The following PHACTR3 variants were observed in gnomAD, a reference collection of about 807,000 sequenced individuals.
PHACTR3 encodes the protein protein phosphatase 1, regulatory subunit 123.
In PHACTR3, 16 loss-of-function variants were observed where a neutral mutation model predicts 66.8. That is an observed-to-expected ratio of 0.24 (90% CI 0.16 to 0.36). PHACTR3 has a LOEUF of 0.36. PHACTR3 is among the 10% of genes least tolerant of loss of function. The pLI is 1.00. For missense variants in PHACTR3, 647 were observed against 719.9 expected (o/e 0.90, Z 1.16); for synonymous variants, 323 against 292.1 (o/e 1.11, Z -1.08).
chr20:59,727,039 C>A (rs1396827867), intron 1 of PHACTR3, among the ~76,000 whole-genome samples: 1 of 152,130 alleles, frequency 6.6e-6, no homozygotes, highest in African/African-American at 2.4e-5. Context: ...CTGTCTAATT[C>A]CAGAACCTTT....
chr20:59,815,763 A>G (rs936532087), intron 8 of PHACTR3, among the ~76,000 whole-genome samples: 4 of 152,196 alleles, frequency 2.6e-5, no homozygotes, highest in African/African-American at 9.7e-5. Flanking sequence ...GTTGCAAAAC[A>G]GGCGATGAGG....
intron 8 of PHACTR3, among the ~76,000 whole-genome samples, chr20:59,818,423 CTT>C (rs570083526): frequency 1.8e-4 from 28 of 152,354 alleles, no homozygotes; most frequent in South Asian, 4.1e-4. Flanking sequence ...GAATTTGTCT[CTT>C]TCAGTTTTAA....
intron 1 of PHACTR3, among the ~76,000 whole-genome samples, chr20:59,582,822 C>T (rs190205174): frequency 3.0e-4 from 45 of 152,248 alleles, no homozygotes; most frequent in Admixed American, 1.8e-3. Context: ...CCCGATCCTC[C>T]GCTGGCTGCA....
chr20:59,710,662 T>C (rs186962020), intron 1 of PHACTR3, among the ~76,000 whole-genome samples: 1 of 151,942 alleles, frequency 6.6e-6, no homozygotes, highest in Admixed American at 6.7e-5. Flanking sequence ...AATGACTCCC[T>C]AAATTCCAAC....
At chr20:59,763,262 T>C (rs939551645) in intron 4 of PHACTR3, among the ~76,000 whole-genome samples, 14 of 152,360 alleles carry the variant, frequency 9.2e-5, no homozygotes, top group African/African-American at 3.4e-4. Flanking sequence ...CTTTGCCTTC[T>C]GCCATGATTG....
intron 1 of PHACTR3, among the ~76,000 whole-genome samples, chr20:59,741,696 A>G (rs1220883817): frequency 6.6e-6 from 1 of 151,790 alleles, no homozygotes; most frequent in Non-Finnish European, 1.5e-5. Flanking sequence ...CAGCCTGTGA[A>G]GCACATCTCC....
chr20:59,799,229 T>C lies in PHACTR3; in HGVS notation c.1175-6812T>C, dbSNP rs1202414576. ...GTCCAATCTTGGTAAATGTTTTGTGTGTACTTGAAAAGAATGCGTGCTCTT... is the reference window on the plus strand; with the variant it reads ...GTCCAATCTTGGTAAATGTTTTGTGCGTACTTGAAAAGAATGCGTGCTCTT... On this transcript the variant is annotated intron_variant, in intron 7 of 12. Transcript: ENST00000371015. Among the ~76,000 whole-genome samples the C allele has an allele frequency of 3.3e-5, 5 of 152,150 alleles. No homozygotes were observed. The South Asian group carries it at 1.0e-3, about 31-fold the overall frequency.
At chr20:59,724,150 G>A (rs1330153541) in intron 1 of PHACTR3, among the ~76,000 whole-genome samples, 2 of 152,122 alleles carry the variant, frequency 1.3e-5, no homozygotes, top group African/African-American at 4.8e-5. Context: ...CCTCAGGGTC[G>A]GGATGTGATC....
upstream of PHACTR3, among the ~76,000 whole-genome samples, chr20:59,599,551 G>A (rs1379398865): frequency 6.6e-6 from 1 of 152,068 alleles, no homozygotes; most frequent in Non-Finnish European, 1.5e-5. Context: ...GTCAAACGGG[G>A]CTCCTCCTCT....
chr20:59,847,101 T>A lies in PHACTR3; in HGVS notation c.1665-14T>A, dbSNP rs905274575. 1 of 1,507,474 alleles carries A rather than the reference T, an allele frequency of 6.6e-7. No individual in the cohort carries two copies. Among genetic ancestry groups the A allele is most frequent in the Non-Finnish European group, 9.2e-7 (1 of 1,090,336 alleles). The allele number at this position is 1,507,474 out of a possible 1,614,324, so 93.4% of individuals were successfully genotyped here. On this transcript the variant is annotated splice_polypyrimidine_tract_variant and intron_variant, in intron 12 of 12. Coordinates refer to ENST00000371015, the MANE Select transcript of PHACTR3 (RefSeq NM_080672.5). ...GAATAACCTTAAATTCTTTGTCTTT[T>A]TTATAATCTCTAGATTCCACAGGCC...
At position 59,751,593 on chromosome 20, in the gene PHACTR3, G is replaced by A. The variant is rs565703802; in HGVS notation, c.359-3589G>A. ...CAGAAGAGAGCCCGCCAGCTCCCGGGGGTGAGGCAGCATCCAGGGCATGAG... is the reference window on the plus strand; with the variant it reads ...CAGAAGAGAGCCCGCCAGCTCCCGGAGGTGAGGCAGCATCCAGGGCATGAG... On this transcript the variant is annotated intron_variant, in intron 3 of 12. Transcript: ENST00000371015. 3.9e-5 allele frequency among the ~76,000 whole-genome samples: 6 copies of A among 152,270 alleles called. No homozygotes were observed. In the South Asian group the frequency reaches 1.0e-3, roughly 26 times the overall value.
intron 8 of PHACTR3, among the ~76,000 whole-genome samples, chr20:59,821,289 G>T (rs569674470): frequency 6.6e-6 from 1 of 152,126 alleles, no homozygotes; most frequent in East Asian, 1.9e-4. Flanking sequence ...TTGCACAGGC[G>T]GTCAGGACTG....
At chr20:59,827,232 C>T (rs539552614) in intron 8 of PHACTR3, among the ~76,000 whole-genome samples, 2 of 152,134 alleles carry the variant, frequency 1.3e-5, no homozygotes, top group African/African-American at 4.8e-5. Context: ...CCTTCATGGG[C>T]GGGGGTGCAC....
chr20:59,759,940 T>C (rs1202373690), intron 4 of PHACTR3, among the ~76,000 whole-genome samples: 1 of 152,162 alleles, frequency 6.6e-6, no homozygotes. Context: ...GCCCAGAACA[T>C]GGTGCCCCGT....
At chr20:59,760,971 G>C (rs113070117) in intron 4 of PHACTR3, among the ~76,000 whole-genome samples, 1 of 152,072 alleles carries the variant, frequency 6.6e-6, no homozygotes, top group Non-Finnish European at 1.5e-5. Flanking sequence ...CCAGGCCATA[G>C]AGCATAAAAA....
At chr20:59,706,322 C>T (rs2037699902) in intron 1 of PHACTR3, among the ~76,000 whole-genome samples, 1 of 152,212 alleles carries the variant, frequency 6.6e-6, no homozygotes, top group African/African-American at 2.4e-5. Flanking sequence ...GTCTAGGACG[C>T]TGCATAAACA....
At chr20:59,747,918 A>G (rs7266756) in intron 3 of PHACTR3, 83 bp downstream of exon 3, 59,442 of 1,433,478 alleles carry the variant, frequency 0.041, 1,956 homozygotes, top group African/African-American at 0.17. Flanking sequence ...CAGGAAGCCC[A>G]TCAGAAACAG....
At position 59,778,925 on chromosome 20, in the gene PHACTR3, C is replaced by T. The variant is rs114006844; in HGVS notation, c.1174+4435C>T. The stretch of plus-strand genomic sequence containing the variant: ...GAAGGTAGCACTCATTGTAGAAACT[C>T]ATTCTGGAAACTGCTGTCGTGAACG... On this transcript the variant is annotated intron_variant, in intron 7 of 12. Coordinates refer to ENST00000371015, the MANE Select transcript of PHACTR3 (RefSeq NM_080672.5). Among the ~76,000 whole-genome samples the T allele has an allele frequency of 6.7e-3, 1,023 of 152,308 alleles. 11 individuals carry two copies. The highest frequency in any genetic ancestry group is 0.023 in the African/African-American group (953 of 41,558).
chr20:59,795,986 T>G (rs1401948815), intron 7 of PHACTR3, among the ~76,000 whole-genome samples: 1 of 152,116 alleles, frequency 6.6e-6, no homozygotes, highest in Admixed American at 6.5e-5. Context: ...GATGGGTAAA[T>G]ACTCCTGCCA....
Sources: gnomAD v4.1 joint callset for allele counts (sites outside exome capture counted in the v4.1 genomes callset) on GRCh38, gnomAD v4.1.1 for gene constraint, MANE v1.5 for transcripts, NCBI Gene and HGNC (gene_info 2026-07-23, HGNC 2026-07-21) for gene names.